Variants in GRK5 observed in about 807,000 individuals in gnomAD.
GRK5 encodes the protein g protein-coupled receptor kinase GRK5.
A neutral mutation model predicts 78.4 loss-of-function variants in GRK5; 40 were observed. The observed-to-expected ratio is 0.51, with a 90% CI of 0.40 to 0.66. GRK5 has a LOEUF of 0.66. GRK5 is among the 30% of genes least tolerant of loss of function. The probability of loss-of-function intolerance (pLI) is 0.00; values close to 1 mark genes in which losing one functional copy is unlikely to be tolerated. For missense variants in GRK5, 598 were observed against 759.9 expected, an observed-to-expected ratio of 0.79 and a Z score of 2.50; for synonymous variants, 289 against 296.8, an observed-to-expected ratio of 0.97 and a Z score of 0.27.
intron 1 of GRK5, among the ~76,000 whole-genome samples, chr10:119,311,689 G>A (rs1490487591): frequency 2.0e-5 from 3 of 151,952 alleles, no homozygotes; most frequent in Non-Finnish European, 4.4e-5. Context: ...AGGAGGCTGA[G>A]GTGGGAGAAT....
chr10:119,424,987 C>T lies in GRK5; in HGVS notation c.441-6C>T, dbSNP rs371826281. ...AATGTTCATCCTCTTGTTCCATCTGCACTAGGTCTGTCCACGAGTACCTGA... is the reference window on the plus strand; with the variant it reads ...AATGTTCATCCTCTTGTTCCATCTGTACTAGGTCTGTCCACGAGTACCTGA... On this transcript the variant is annotated splice_polypyrimidine_tract_variant and splice_region_variant and intron_variant, in intron 5 of 15. Coordinates refer to ENST00000392870, the MANE Select transcript of GRK5 (RefSeq NM_005308.3). The T allele has an allele frequency of 6.3e-7, 1 of 1,590,878 alleles. No homozygotes were observed. Among genetic ancestry groups the T allele is most frequent in the Non-Finnish European group, 8.6e-7 (1 of 1,158,822 alleles).
At position 119,436,565 on chromosome 10, in the gene GRK5, C is replaced by A; in HGVS notation, c.739-86C>A. On this transcript the variant is annotated intron_variant, in intron 8 of 15. Transcript: ENST00000392870. ...GGTGAGGCTCCTCTGTTCCCTCACACCCCAGCTCCCAGGATCCTGAGGAGG... is the reference window on the plus strand; with the variant it reads ...GGTGAGGCTCCTCTGTTCCCTCACAACCCAGCTCCCAGGATCCTGAGGAGG... 4 of 1,357,414 alleles carry A rather than the reference C, an allele frequency of 2.9e-6. No individual in the cohort carries two copies. In the South Asian group the frequency reaches 3.7e-5, roughly 13 times the overall value. 84.1% of individuals were successfully genotyped at this position (1,357,414 alleles called of 1,614,324 possible).
At chr10:119,405,154 G>A (rs1348680625) in intron 4 of GRK5, among the ~76,000 whole-genome samples, 1 of 152,134 alleles carries the variant, frequency 6.6e-6, no homozygotes, top group Non-Finnish European at 1.5e-5. Flanking sequence ...ACCCAGTCCT[G>A]GTCCTGCTGA....
rs953972978 is a variant in GRK5 at position 119,457,229 on chromosome 10, T to G, written c.*2162T>G. On this transcript the variant is annotated 3_prime_UTR_variant, in exon 16 of 16. Transcript: ENST00000392870. Reference sequence around the variant, plus strand: ...CACCCCAGCCACCCATCCAGGAGGTTGGTTCCTTTTGCCCAGTTCATAGCA... The same window carrying G: ...CACCCCAGCCACCCATCCAGGAGGTGGGTTCCTTTTGCCCAGTTCATAGCA... 2.6e-5 allele frequency: 4 copies of G among 152,224 alleles called. No homozygotes were observed. Among genetic ancestry groups the G allele is most frequent in the African/African-American group, 9.7e-5 (4 of 41,428 alleles). 9.4% of individuals were successfully genotyped at this position (152,224 alleles called of 1,614,324 possible). A position where few individuals can be genotyped will look rare whatever the true frequency, so the allele number is the denominator to read the frequency against.
At chr10:119,270,002 G>A (rs1447506026) in intron 1 of GRK5, among the ~76,000 whole-genome samples, 1 of 152,148 alleles carries the variant, frequency 6.6e-6, no homozygotes, top group Non-Finnish European at 1.5e-5. Context: ...CCTCCTTGGA[G>A]TACCTTGAAT....
At chr10:119,426,465 GA>G in intron 6 of GRK5, among the ~76,000 whole-genome samples, 1 of 152,338 alleles carries the variant, frequency 6.6e-6, no homozygotes, top group African/African-American at 2.4e-5. Flanking sequence ...TCTTCCCAAG[GA>G]GGGTCCTCAG....
chr10:119,334,958 T>G (rs1308796844), intron 2 of GRK5: 2 of 152,110 alleles, frequency 1.3e-5, no homozygotes, highest in Non-Finnish European at 2.9e-5. Context: ...CCTTAACTGT[T>G]TCCAGGAGCA....
chr10:119,393,142 G>C (rs1360828934), intron 3 of GRK5, among the ~76,000 whole-genome samples: 1 of 152,226 alleles, frequency 6.6e-6, no homozygotes, highest in Non-Finnish European at 1.5e-5. Flanking sequence ...CCTGTCACTA[G>C]GTGTCTTAAT....
rs191737441 is a variant in GRK5 at position 119,446,848 on chromosome 10, C to T, written c.1267-1275C>T. 5.8e-3 allele frequency among the ~76,000 whole-genome samples: 877 copies of T among 152,350 alleles called. 7 individuals are homozygous for T. The highest frequency in any genetic ancestry group is 0.02 in the African/African-American group (840 of 41,574). On this transcript the variant is annotated intron_variant, in intron 12 of 15. Coordinates refer to ENST00000392870, the MANE Select transcript of GRK5 (RefSeq NM_005308.3). ...GGCCAGTCTGGCTGCTCACTCTCCCCGGCGTCCCCAGCCGGTGCAGTGCCT... is the reference window on the plus strand; with the variant it reads ...GGCCAGTCTGGCTGCTCACTCTCCCTGGCGTCCCCAGCCGGTGCAGTGCCT...
At chr10:119,246,019 CAAAAAAAAAAAAAAAAAAA>C (rs941734040) in intron 1 of GRK5, among the ~76,000 whole-genome samples, 3 of 14,044 alleles carry the variant, frequency 2.1e-4, no homozygotes, top group East Asian at 1.8e-3. Context: ...GACTCCATCT[CAAAAAAAAAAAAAAAAAAA>C]AAAAAAAGAA....
At chr10:119,284,188 T>A (rs1223012625) in intron 1 of GRK5, among the ~76,000 whole-genome samples, 1 of 152,128 alleles carries the variant, frequency 6.6e-6, no homozygotes, top group South Asian at 2.1e-4. Context: ...GAGCCTCTTA[T>A]GAAGTAGAAA....
intron 4 of GRK5, chr10:119,406,370 C>G (rs1852240744): frequency 1.5e-6 from 1 of 687,764 alleles, no homozygotes; most frequent in Non-Finnish European, 1.8e-6. Flanking sequence ...TTCCTGGGGT[C>G]CATGGCCCTG....
chr10:119,392,212 T>G (rs1017652408), intron 3 of GRK5, among the ~76,000 whole-genome samples: 1 of 152,238 alleles, frequency 6.6e-6, no homozygotes, highest in Non-Finnish European at 1.5e-5. Flanking sequence ...AAGGCACAGA[T>G]GTAGAAATAA....
At position 119,430,516 on chromosome 10, in the gene GRK5, A is replaced by C; in HGVS notation, c.597+78A>C. On this transcript the variant is annotated intron_variant, in intron 7 of 15. Transcript: ENST00000392870. This position sits in a 1 kb window ranked among gnomAD's most constrained non-coding sequence, Gnocchi z 4.5. ...TCCTGTCCCTTCTAAATCAACCTAA[A>C]GGGTTGGCCCACGGGTCCCCCGGGG... The C allele has an allele frequency of 2.2e-6, 3 of 1,392,486 alleles. No individual in the cohort carries two copies. The highest frequency in any genetic ancestry group is 2.0e-6 in the Non-Finnish European group (2 of 994,920). 86.3% of individuals were successfully genotyped at this position (1,392,486 alleles called of 1,614,324 possible).
rs528065512 is a variant in GRK5, at chr10:119,330,051, C to T, written c.148+3440C>T. Among the ~76,000 whole-genome samples the T allele has an allele frequency of 6.4e-4, 97 of 151,910 alleles. 1 individual carries two copies. The South Asian group carries it at 0.02, about 31-fold the overall frequency. On this transcript the variant is annotated intron_variant, in intron 2 of 15. Coordinates refer to ENST00000392870, the MANE Select transcript of GRK5 (RefSeq NM_005308.3). ...CTAATTTTTGTATTTTTAGTAGAGACAGGGTTTTGCCATGTTGGCCAGGCT... is the reference window on the plus strand; with the variant it reads ...CTAATTTTTGTATTTTTAGTAGAGATAGGGTTTTGCCATGTTGGCCAGGCT...
intron 1 of GRK5, among the ~76,000 whole-genome samples, chr10:119,304,266 T>C (rs907156799): frequency 4.0e-5 from 6 of 148,712 alleles, no homozygotes; most frequent in Admixed American, 3.3e-4. Flanking sequence ...AACAGCAGTA[T>C]GCTAACTGTG....
intron 4 of GRK5, among the ~76,000 whole-genome samples, chr10:119,405,388 A>G (rs1852219641): frequency 6.6e-6 from 1 of 152,060 alleles, no homozygotes; most frequent in Admixed American, 6.6e-5. Flanking sequence ...TGATAGGGTA[A>G]GACAGGGAAG....
chr10:119,242,621 ATCTCC>A (rs1474089910), intron 1 of GRK5, among the ~76,000 whole-genome samples: 1 of 151,138 alleles, frequency 6.6e-6, no homozygotes, highest in African/African-American at 2.4e-5. Flanking sequence ...AACCCCCATA[ATCTCC>A]ACGTATCAAG....
intron 2 of GRK5, among the ~76,000 whole-genome samples, chr10:119,332,943 A>T (rs1327514746): frequency 2.6e-5 from 4 of 152,182 alleles, no homozygotes; most frequent in Non-Finnish European, 5.9e-5. Context: ...AGTGCTGTTT[A>T]TTTAATGTTC....
Sources: gnomAD v4.1 joint callset for allele counts (sites outside exome capture counted in the v4.1 genomes callset) on GRCh38, gnomAD v4.1.1 for gene constraint, Gnocchi (gnomAD v3.1) non-coding constraint, MANE v1.5 for transcripts, NCBI Gene and HGNC (gene_info 2026-07-23, HGNC 2026-07-21) for gene names.